Variants in NAT10 observed in about 807,000 individuals in gnomAD.
The protein encoded by NAT10 is N-acetyltransferase 10.
NAT10 carries 109 observed loss-of-function variants against 132.2 expected under a neutral mutation model. The observed-to-expected ratio is 0.82, with a 90% CI of 0.71 to 0.97. NAT10 has a LOEUF of 0.97. Ranked by LOEUF, NAT10 falls within the 50% of genes least tolerant of loss-of-function variation. The pLI is 0.00. For synonymous variants in NAT10, 479 were observed against 478.0 expected (o/e 1.00, Z -0.03); for missense variants, 1,184 against 1,263.4 (o/e 0.94, Z 0.95).
At chr11:34,115,095 G>A (rs974870313) in intron 5 of NAT10, among the ~76,000 whole-genome samples, 15 of 152,232 alleles carry the variant, frequency 9.9e-5, no homozygotes, top group African/African-American at 3.6e-4. Flanking sequence ...GGCGGAGGTT[G>A]CGGTGAGCTG....
intron 15 of NAT10, among the ~76,000 whole-genome samples, chr11:34,132,707 C>T (rs1485787377): frequency 6.6e-6 from 1 of 152,164 alleles, no homozygotes; most frequent in African/African-American, 2.4e-5. Context: ...ACAGTTTTTC[C>T]TGAAATAGCA....
At chr11:34,139,112 G>C in intron 21 of NAT10, 79 bp from the exon 22 acceptor site, 1 of 1,320,700 alleles carries the variant, frequency 7.6e-7, no homozygotes, top group Non-Finnish European at 1.1e-6. Context: ...TTTCTTCTCT[G>C]AGTGTTTACC....
Position 34,115,854 on chromosome 11 carries a change from A to G in NAT10, c.527A>G (p.His176Arg), listed in dbSNP as rs1851774747. Residue 176 changes from histidine (H) to arginine (R), a missense_variant, in exon 6 of 29, where the codon CAT becomes CGT. Transcript: ENST00000257829. ...CATTCCAGGTACAGAACTGAGGCCC[A>G]TCAGGATGTGGTGGGAAGATTTAAT... Reference protein sequence around the residue: ...DVHSRYRTEAHQDVVGRFNER... With the variant: ...DVHSRYRTEARQDVVGRFNER... The G allele has an allele frequency of 4.3e-6, 7 of 1,614,002 alleles. No homozygotes were observed. The highest frequency in any genetic ancestry group is 1.6e-4 in the Middle Eastern group (1 of 6,084).
Position 34,119,071 on chromosome 11 carries a change from T to G in NAT10, c.780+568T>G, listed in dbSNP as rs73501093. ...GAGGCCCCTAGTCTGGTATTTACCC[T>G]GGTTCCAGTGCGAGGCCTGATGAGG... On this transcript the variant is annotated intron_variant, in intron 8 of 28. Transcript: ENST00000257829. Among the ~76,000 whole-genome samples the G allele has an allele frequency of 2.8e-3, 421 of 152,386 alleles. 3 individuals carry two copies. Among genetic ancestry groups the G allele is most frequent in the African/African-American group, 9.4e-3 (393 of 41,604 alleles).
intron 17 of NAT10, 37 bp downstream of exon 17, chr11:34,134,457 G>C: frequency 6.2e-7 from 1 of 1,613,910 alleles, no homozygotes; most frequent in Non-Finnish European, 8.5e-7. Flanking sequence ...AGGGAAGCTG[G>C]TGGTGTCCAA....
Position 34,140,500 on chromosome 11 carries a change from C to A in NAT10, c.2520C>A (p.Asp840Glu). Residue 840 changes from aspartate (D) to glutamate (E), a missense_variant, in exon 24 of 29, where the codon GAC becomes GAA. Physicochemically the swap from Asp to Glu is conservative, Grantham distance 45. Coordinates refer to ENST00000257829, the MANE Select transcript of NAT10 (RefSeq NM_024662.3). ...TGGTGGACTATCACCTCATCATGGA[C>A]ATGATCCCGGCCATCTCTCGCATCT... ...RNMVDYHLIM[D>E]MIPAISRIYF... 6.2e-7 allele frequency: 1 copy of A among 1,614,220 alleles called. No homozygotes were observed. Among genetic ancestry groups the A allele is most frequent in the Non-Finnish European group, 8.5e-7 (1 of 1,180,046 alleles).
chr11:34,140,264 T>G, intron 23 of NAT10, 136 bp from the exon 24 acceptor site: 2 of 827,214 alleles, frequency 2.4e-6, no homozygotes, highest in Non-Finnish European at 3.8e-6. Context: ...GGTGCCCCTC[T>G]GGGCCAGGGC....
intron 8 of NAT10, among the ~76,000 whole-genome samples, chr11:34,122,048 C>T (rs546544839): frequency 4.0e-5 from 6 of 151,860 alleles, no homozygotes; most frequent in African/African-American, 1.2e-4. Flanking sequence ...TGGTGGCAAG[C>T]GCCTGTAATC....
intron 28 of NAT10, among the ~76,000 whole-genome samples, chr11:34,145,146 G>A (rs1852416692): frequency 6.6e-6 from 1 of 152,244 alleles, no homozygotes; most frequent in Non-Finnish European, 1.5e-5. Flanking sequence ...CGGGGAGCAT[G>A]CTTGCTGTGG....
At chr11:34,138,797 G>C (rs1313870028) in intron 21 of NAT10, 1 of 172,052 alleles carries the variant, frequency 5.8e-6, no homozygotes, top group Non-Finnish European at 1.3e-5. Flanking sequence ...TGGAGTTCCT[G>C]CTGTGAGGCA....
At chr11:34,142,218 T>C in intron 26 of NAT10, 57 bp from the exon 27 acceptor site, 2 of 1,528,696 alleles carry the variant, frequency 1.3e-6, no homozygotes, top group Non-Finnish European at 9.1e-7. Flanking sequence ...CACCTTTTCC[T>C]GTGTTTGGTT....
rs1851937495 is a variant in NAT10 at position 34,123,807 on chromosome 11, T to A, written c.960T>A (p.His320Gln). 6.2e-7 allele frequency: 1 copy of A among 1,611,698 alleles called. No individual in the cohort carries two copies. Residue 320 changes from histidine to glutamine, a missense_variant, in exon 10 of 29, where the codon CAT becomes CAA. Transcript: ENST00000257829. ...CCTCCCCAAGCCCTGATAACCTCCA[T>A]ACTCTGTTTGAATTTGTATTTAAAG... ...FVTSPSPDNL[H>Q]TLFEFVFKGF...
intron 27 of NAT10, 64 bp downstream of exon 27, chr11:34,142,412 G>T: frequency 7.0e-7 from 1 of 1,434,440 alleles, no homozygotes; most frequent in South Asian, 1.2e-5. Flanking sequence ...CTGCCTACAC[G>T]TTTCTTCTAA....
intron 4 of NAT10, among the ~76,000 whole-genome samples, chr11:34,113,259 G>A (rs2134155380): frequency 6.6e-6 from 1 of 152,326 alleles, no homozygotes; most frequent in South Asian, 2.1e-4. Flanking sequence ...ATGAATCAGT[G>A]AAGGTTGGAA....
intron 21 of NAT10, 37 bp downstream of exon 21, chr11:34,137,063 T>G (rs201902151): frequency 6.2e-7 from 1 of 1,612,076 alleles, no homozygotes; most frequent in East Asian, 2.2e-5. Flanking sequence ...AGTTTAGGTT[T>G]ACCGTTATGG....
At chr11:34,120,776 A>G (rs1006048341) in intron 8 of NAT10, among the ~76,000 whole-genome samples, 1 of 152,232 alleles carries the variant, frequency 6.6e-6, no homozygotes, top group African/African-American at 2.4e-5. Context: ...GCTACGTACA[A>G]TGGGAAGAAA....
At chr11:34,108,110 T>C (rs769200832) in intron 1 of NAT10, 101 bp from the exon 2 acceptor site, 12 of 734,394 alleles carry the variant, frequency 1.6e-5, no homozygotes, top group Admixed American at 4.4e-5. Flanking sequence ...ACAATACTTA[T>C]AGATATGCCT....
chr11:34,119,839 A>C (rs1048668208), intron 8 of NAT10, among the ~76,000 whole-genome samples: 1 of 152,176 alleles, frequency 6.6e-6, no homozygotes, highest in African/African-American at 2.4e-5. Flanking sequence ...GGGGATTCTT[A>C]CAGATAAGTC....
At chr11:34,145,030 C>A (rs1852413667) in intron 28 of NAT10, among the ~76,000 whole-genome samples, 3 of 152,198 alleles carry the variant, frequency 2.0e-5, no homozygotes, top group Non-Finnish European at 4.4e-5. Flanking sequence ...CACAGAAGCC[C>A]ACTGTCAGTG....
Sources: allele counts gnomAD v4.1 joint callset (sites outside exome capture counted in the v4.1 genomes callset), GRCh38; gene constraint gnomAD v4.1.1; transcripts MANE v1.5; gene names NCBI Gene and HGNC (gene_info 2026-07-23, HGNC 2026-07-21).